The following PCMTD1 variants were observed in gnomAD, a reference collection of about 807,000 sequenced individuals.
PCMTD1 encodes the protein protein-L-isoaspartate O-methyltransferase domain-containing protein 1.
A neutral mutation model predicts 37.6 loss-of-function variants in PCMTD1; 12 were observed. That is an observed-to-expected ratio of 0.32 (90% CI 0.20 to 0.52). The LOEUF is 0.52. PCMTD1 is among the 20% of genes least tolerant of loss of function. The probability of loss-of-function intolerance (pLI) is 0.97; values close to 1 mark genes in which losing one functional copy is unlikely to be tolerated. For synonymous variants in PCMTD1, 117 were observed against 135.8 expected (o/e 0.86, Z 0.96); for missense variants, 235 against 421.3 (o/e 0.56, Z 3.87).
At chr8:51,858,536 C>T (rs2038424986) in intron 2 of PCMTD1, among the ~76,000 whole-genome samples, 1 of 152,098 alleles carries the variant, frequency 6.6e-6, no homozygotes, top group Non-Finnish European at 1.5e-5. Context: ...GTATACCTTC[C>T]CCTCCATGAC....
At chr8:51,864,087 T>C (rs952887962) in intron 1 of PCMTD1, among the ~76,000 whole-genome samples, 19 of 152,060 alleles carry the variant, frequency 1.2e-4, no homozygotes, top group African/African-American at 4.6e-4. Flanking sequence ...TGAAAAATGA[T>C]AACCAAAAGA....
At chr8:51,860,637 T>C (rs1156578393) in intron 2 of PCMTD1, 1 of 482,320 alleles carries the variant, frequency 2.1e-6, no homozygotes, top group Non-Finnish European at 3.6e-6. Flanking sequence ...GAACAGTTAG[T>C]TTCCAGAGCT....
At chr8:51,843,609 AC>A (rs1367159814) in intron 3 of PCMTD1, among the ~76,000 whole-genome samples, 3 of 151,262 alleles carry the variant, frequency 2.0e-5, no homozygotes, top group Admixed American at 2.0e-4. Flanking sequence ...AAAAAAAAAA[AC>A]AATTTGAGAA....
chr8:51,883,952 A>T (rs1262656146), intron 1 of PCMTD1, among the ~76,000 whole-genome samples: 1 of 152,276 alleles, frequency 6.6e-6, no homozygotes, highest in Non-Finnish European at 1.5e-5. Flanking sequence ...AAATAATTAT[A>T]AAGAAAATCA....
In PCMTD1 at chr8:51,869,384, G is replaced by A. The variant is rs140061200; in HGVS notation, c.-95-8138C>T. On this transcript the variant is annotated intron_variant, in intron 1 of 5. Transcript: ENST00000522514. ...ACAGATAACTTTGCTGTATTGATCC[G>A]GCCAAATCCCCAAAATGTCGTTTCC... Among the ~76,000 whole-genome samples the A allele has an allele frequency of 1.3e-4, 20 of 152,178 alleles. No individual in the cohort carries two copies. The East Asian group carries it at 3.1e-3, about 24-fold the overall frequency.
intron 1 of PCMTD1, among the ~76,000 whole-genome samples, chr8:51,864,889 A>T (rs575970018): frequency 1.2e-4 from 19 of 152,208 alleles, no homozygotes; most frequent in Non-Finnish European, 2.2e-4. Context: ...AAAACAGAAA[A>T]GATCAGTGAA....
chr8:51,845,933 C>A (rs1247804081), intron 2 of PCMTD1, among the ~76,000 whole-genome samples, 170 bp from the exon 3 acceptor site: 1 of 151,716 alleles, frequency 6.6e-6, no homozygotes, highest in African/African-American at 2.4e-5. Context: ...ACGTACATTG[C>A]TTTAATGTAA....
chr8:51,875,399 T>C (rs1052364049), intron 1 of PCMTD1, among the ~76,000 whole-genome samples: 1 of 152,148 alleles, frequency 6.6e-6, no homozygotes, highest in Non-Finnish European at 1.5e-5. Context: ...CAGGTTATGG[T>C]GGTAAGTCAC....
chr8:51,841,676 TA>T (rs11295117), intron 3 of PCMTD1, among the ~76,000 whole-genome samples: 104,498 of 152,114 alleles, frequency 0.69, 42,354 homozygotes, highest in Non-Finnish European at 0.9. Flanking sequence ...AAGCTGGAGA[TA>T]ATTTTTTTAA....
chr8:51,886,199 T>C (rs1477674639), intron 1 of PCMTD1, among the ~76,000 whole-genome samples: 1 of 152,234 alleles, frequency 6.6e-6, no homozygotes, highest in African/African-American at 2.4e-5. Flanking sequence ...CTATTTTTCC[T>C]TTCCCCTGTT....
rs1386562978 is a variant in PCMTD1, at chr8:51,833,693, C to T, written c.411-4G>A. On this transcript the variant is annotated splice_region_variant and splice_polypyrimidine_tract_variant and intron_variant, in intron 3 of 5. Transcript: ENST00000522514. ...TGCAGGTTCACAGAACTCAAATCTGCATTGAAAAACAAACATTTTAATTCA... is the reference window on the plus strand; with the variant it reads ...TGCAGGTTCACAGAACTCAAATCTGTATTGAAAAACAAACATTTTAATTCA... 2 of 1,597,000 alleles carry T rather than the reference C, an allele frequency of 1.3e-6. No homozygotes were observed. Among genetic ancestry groups the T allele is most frequent in the African/African-American group, 1.3e-5 (1 of 74,536 alleles).
intron 1 of PCMTD1, among the ~76,000 whole-genome samples, chr8:51,891,729 A>G (rs975026870): frequency 6.7e-6 from 1 of 150,136 alleles, no homozygotes; most frequent in African/African-American, 2.4e-5. Flanking sequence ...GAAACCTTAA[A>G]TGATCTGTAG....
At chr8:51,838,482 C>T (rs564740424) in intron 3 of PCMTD1, among the ~76,000 whole-genome samples, 2 of 151,936 alleles carry the variant, frequency 1.3e-5, no homozygotes, top group Admixed American at 1.3e-4. Context: ...ACAGCAAGAC[C>T]CTGTCTCAAA....
chr8:51,823,065 T>C (rs2037871378), intron 5 of PCMTD1, among the ~76,000 whole-genome samples: 1 of 152,198 alleles, frequency 6.6e-6, no homozygotes, highest in Non-Finnish European at 1.5e-5. Flanking sequence ...ATACCAGAAA[T>C]TTATCAAGAC....
intron 1 of PCMTD1, among the ~76,000 whole-genome samples, chr8:51,888,698 G>A (rs772837101): frequency 2.0e-5 from 3 of 152,050 alleles, no homozygotes; most frequent in African/African-American, 7.2e-5. Context: ...ATCTAGCACC[G>A]AGTAAAACAA....
At chr8:51,843,119 T>A (rs1482776726) in intron 3 of PCMTD1, among the ~76,000 whole-genome samples, 1 of 152,034 alleles carries the variant, frequency 6.6e-6, no homozygotes, top group East Asian at 1.9e-4. Flanking sequence ...TCAAAACACA[T>A]GTAAGAACAA....
chr8:51,860,787 A>T, intron 2 of PCMTD1, 58 bp downstream of exon 2: 2 of 1,376,040 alleles, frequency 1.5e-6, no homozygotes, highest in Non-Finnish European at 1.9e-6. Flanking sequence ...TATAAATCAT[A>T]AACCATAATA....
intron 5 of PCMTD1, among the ~76,000 whole-genome samples, chr8:51,828,441 T>C (rs998046508): frequency 3.5e-4 from 53 of 152,148 alleles, no homozygotes; most frequent in African/African-American, 1.2e-3. Flanking sequence ...AGTACACAGA[T>C]AGTCCCTGAC....
intron 2 of PCMTD1, among the ~76,000 whole-genome samples, chr8:51,856,059 G>A (rs1262649109): frequency 6.6e-6 from 1 of 152,086 alleles, no homozygotes; most frequent in African/African-American, 2.4e-5. Context: ...CCTAAAGTAA[G>A]CTAATAAAGA....
Sources: allele counts gnomAD v4.1 joint callset (sites outside exome capture counted in the v4.1 genomes callset), GRCh38; gene constraint gnomAD v4.1.1; transcripts MANE v1.5; gene names NCBI Gene and HGNC (gene_info 2026-07-23, HGNC 2026-07-21).